TIMM44: variants seen among roughly 807,000 people sequenced by gnomAD.
TIMM44 encodes the protein mitochondrial import inner membrane translocase subunit TIM44.
A neutral mutation model predicts 63.8 loss-of-function variants in TIMM44; 37 were observed. That is an observed-to-expected ratio of 0.58 (90% CI 0.45 to 0.76). The LOEUF is 0.76. Among genes scored for constraint, TIMM44 ranks in the 30% least tolerant of loss-of-function variants. The probability of loss-of-function intolerance (pLI) is 0.00; values close to 1 mark genes in which losing one functional copy is unlikely to be tolerated. For synonymous variants in TIMM44, 239 were observed against 245.1 expected (o/e 0.98, Z 0.23); for missense variants, 573 against 603.8 (o/e 0.95, Z 0.54).
rs143021819 is a variant in TIMM44, at chr19:7,934,209, G to A, written c.423C>T (p.Leu141=). The change falls in exon 5 of 13, where the codon CTC becomes CTT. Residue 141 remains leucine, a synonymous_variant. Transcript: ENST00000270538. This position sits in a 1 kb window ranked among gnomAD's most constrained non-coding sequence, Gnocchi z 5.3. ...ESLHEVSKSD[L]GRKIKEGVEE... ...CCACGCCCTCCTTGATTTTCCGGCC[G>A]AGATCACTTTTACTGACTTCGTGAA... The A allele has an allele frequency of 6.5e-4, 1,048 of 1,613,110 alleles. 1 individual carries two copies. Among genetic ancestry groups the A allele is most frequent in the Non-Finnish European group, 7.5e-4 (884 of 1,179,988 alleles).
intron 10 of TIMM44, chr19:7,928,923 C>CAAAAAAAAAAAAAAAAAAAAAAAAAAACA (rs758167153): frequency 1.4e-5 from 1 of 70,088 alleles, no homozygotes; most frequent in Admixed American, 1.5e-4. Flanking sequence ...AACAAAAAAC[C>CAAAAAAAAAAAAAAAAAAAAAAAAAAACA]AAAAAAAAAA....
chr19:7,937,362 C>T (rs1436908008), intron 3 of TIMM44, among the ~76,000 whole-genome samples: 4 of 152,234 alleles, frequency 2.6e-5, no homozygotes, highest in Non-Finnish European at 4.4e-5. Flanking sequence ...CTCTCAGGAG[C>T]GCTGCATCCC....
chr19:7,938,224 T>A, intron 2 of TIMM44, 27 bp from the exon 3 acceptor site: 2 of 1,589,804 alleles, frequency 1.3e-6, no homozygotes, highest in Non-Finnish European at 1.7e-6. Flanking sequence ...AGAAAAAAAA[T>A]TTAAAGAACA....
Position 7,933,978 on chromosome 19 carries a change from A to G in TIMM44, c.569T>C (p.Ile190Thr). The G allele has an allele frequency of 6.2e-7, 1 of 1,613,960 alleles. No homozygotes were observed. The highest frequency in any genetic ancestry group is 8.5e-7 in the Non-Finnish European group (1 of 1,179,994). ...GGTCTGTCCCAGGACGCTGTCGTCA[A>G]TTTCCTTCTTCACGGACTCCACCCC... ...SQGVESVKKE[I>T]DDSVLGQTGP... Residue 190 changes from isoleucine (I) to threonine (T), a missense_variant, in exon 6 of 13, where the codon ATT (isoleucine) becomes ACT (threonine). By Grantham distance (89) the Ile-to-Thr change is moderately conservative (BLOSUM62 -1). Transcript: ENST00000270538. The surrounding 1 kb of genome is among the most constrained non-coding windows in gnomAD (Gnocchi z 4.3).
At chr19:7,931,904 A>G (rs4804242) in intron 9 of TIMM44, 39,994 of 154,564 alleles carry the variant, frequency 0.26, 5,432 homozygotes, top group Non-Finnish European at 0.29. Flanking sequence ...CATCCGCACC[A>G]CCTCCCAGCC....
At chr19:7,928,306 G>C in intron 10 of TIMM44, 140 bp from the exon 11 acceptor site, 1 of 684,274 alleles carries the variant, frequency 1.5e-6, no homozygotes, top group African/African-American at 1.8e-5. Context: ...CCAGGTCCAA[G>C]TGGGGAGGCA....
At chr19:7,936,533 G>A (rs1003770902) in intron 3 of TIMM44, among the ~76,000 whole-genome samples, 2 of 152,342 alleles carry the variant, frequency 1.3e-5, no homozygotes, top group South Asian at 2.1e-4. Context: ...CCCGTGGCAG[G>A]TGCCTGCATC....
chr19:7,937,961 T>C, intron 3 of TIMM44, 66 bp downstream of exon 3: 1 of 1,595,530 alleles, frequency 6.3e-7, no homozygotes, highest in Non-Finnish European at 8.6e-7. Context: ...GAGGTTGCAG[T>C]GAGCCGAGAT....
chr19:7,928,225 C>T (rs1384053481), intron 10 of TIMM44, 59 bp from the exon 11 acceptor site: 1 of 1,440,632 alleles, frequency 6.9e-7, no homozygotes, highest in South Asian at 1.2e-5. Context: ...CCACGCCACA[C>T]AGAGCTGCTG....
In TIMM44 at chr19:7,943,143, T is replaced by C. The variant is rs1984358169; in HGVS notation, c.45+464A>G. ...ACACGTCTTGACTGCCACTGCCCTG[T>C]GGACCCAAGAGCCTGCTAGGGCGCG... is the stretch of plus-strand genomic sequence containing the variant. On this transcript the variant is annotated intron_variant, in intron 1 of 12. Coordinates refer to ENST00000270538, the MANE Select transcript of TIMM44 (RefSeq NM_006351.4). This position sits in a 1 kb window ranked among gnomAD's most constrained non-coding sequence, Gnocchi z 4.3. Among the ~76,000 whole-genome samples, 1 of 151,980 alleles carries C rather than the reference T, an allele frequency of 6.6e-6. No individual in the cohort carries two copies.
chr19:7,934,961 T>G lies in TIMM44; in HGVS notation c.393+104A>C, dbSNP rs1189176941. 2.1e-4 allele frequency: 222 copies of G among 1,079,710 alleles called. 3 individuals carry two copies. In the South Asian group the frequency reaches 2.8e-3, roughly 14 times the overall value. 66.9% of individuals were successfully genotyped at this position (1,079,710 alleles called of 1,614,324 possible). On this transcript the variant is annotated intron_variant, in intron 4 of 12. Coordinates refer to ENST00000270538, the MANE Select transcript of TIMM44 (RefSeq NM_006351.4). The surrounding 1 kb of genome is among the most constrained non-coding windows in gnomAD (Gnocchi z 5.3). ...TGGCAGCACGCCCCATGCCACCCAC[T>G]GCTGCCAAGCCACCCCCACCCAGGA...
chr19:7,933,953 G>C lies in TIMM44; in HGVS notation c.594C>G (p.Thr198=), dbSNP rs372422745. The C allele has an allele frequency of 6.2e-7, 1 of 1,614,092 alleles. No homozygotes were observed. Among genetic ancestry groups the C allele is most frequent in the South Asian group, 1.1e-5 (1 of 91,082 alleles). ...KEIDDSVLGQ[T]GPYRRPQRLR... ...GTCGCTGGGGCCTCCGGTAGGGCCC[G>C]GTCTGTCCCAGGACGCTGTCGTCAA... is the stretch of plus-strand genomic sequence containing the variant. Residue 198 remains threonine, a synonymous_variant, in exon 6 of 13, where the codon ACC becomes ACG. Coordinates refer to ENST00000270538, the MANE Select transcript of TIMM44 (RefSeq NM_006351.4). This position sits in a 1 kb window ranked among gnomAD's most constrained non-coding sequence, Gnocchi z 4.3.
chr19:7,939,205 G>T (rs1054624021), intron 2 of TIMM44, among the ~76,000 whole-genome samples: 1 of 152,166 alleles, frequency 6.6e-6, no homozygotes, highest in African/African-American at 2.4e-5. Context: ...AATGCAGGAC[G>T]TGAAGAATAG....
chr19:7,929,718 A>T (rs546910521), intron 10 of TIMM44, among the ~76,000 whole-genome samples: 1 of 146,230 alleles, frequency 6.8e-6, no homozygotes, highest in East Asian at 2.0e-4. Flanking sequence ...GGAGACCCAC[A>T]CTGTCCCTGA....
At chr19:7,942,046 C>A (rs1984325399) in intron 1 of TIMM44, among the ~76,000 whole-genome samples, 1 of 152,152 alleles carries the variant, frequency 6.6e-6, no homozygotes, top group Admixed American at 6.6e-5. Context: ...CTGGGCTGAT[C>A]TCATGTAAAA....
chr19:7,932,501 A>G, intron 9 of TIMM44, 126 bp downstream of exon 9: 2 of 1,372,854 alleles, frequency 1.5e-6, no homozygotes, highest in South Asian at 2.5e-5. Flanking sequence ...GTGTGCAACC[A>G]GCCTCCTCAG....
intron 3 of TIMM44, among the ~76,000 whole-genome samples, chr19:7,937,051 A>G (rs549604975): frequency 6.6e-6 from 1 of 151,872 alleles, no homozygotes; most frequent in South Asian, 2.1e-4. Flanking sequence ...GTGTTGAGCC[A>G]AAATCGTACC....
intron 2 of TIMM44, among the ~76,000 whole-genome samples, chr19:7,939,847 A>T (rs183312966): frequency 1.3e-5 from 2 of 151,958 alleles, no homozygotes; most frequent in African/African-American, 4.8e-5. Flanking sequence ...CGGGAGGTGG[A>T]GGTTGCAGTG....
chr19:7,926,885 T>C lies in TIMM44; in HGVS notation c.*302A>G, dbSNP rs1234411901. On this transcript the variant is annotated 3_prime_UTR_variant, in exon 13 of 13. Transcript: ENST00000270538. Reference sequence around the variant, plus strand: ...CCCACCCTGCTGTGGGGGGAGTCCCTGGGCCCTGGGGCCTCTTGGCACTGT... The same window carrying C: ...CCCACCCTGCTGTGGGGGGAGTCCCCGGGCCCTGGGGCCTCTTGGCACTGT... The C allele has an allele frequency of 7.2e-6, 3 of 418,544 alleles. No individual in the cohort carries two copies. The highest frequency in any genetic ancestry group is 1.4e-5 in the Non-Finnish European group (3 of 222,012). The allele number at this position is 418,544 out of a possible 1,614,324, so 25.9% of individuals were successfully genotyped here. A position where few individuals can be genotyped will look rare whatever the true frequency, so the allele number is the denominator to read the frequency against.
Sources: gnomAD v4.1 joint callset for allele counts (sites outside exome capture counted in the v4.1 genomes callset) on GRCh38, gnomAD v4.1.1 for gene constraint, Gnocchi (gnomAD v3.1) non-coding constraint, MANE v1.5 for transcripts, NCBI Gene and HGNC (gene_info 2026-07-23, HGNC 2026-07-21) for gene names.